GHR: variants seen among roughly 807,000 people sequenced by gnomAD.
GHR encodes the protein growth hormone receptor.
A neutral mutation model predicts 67.1 loss-of-function variants in GHR; 35 were observed. The observed-to-expected ratio is 0.52, with a 90% CI of 0.40 to 0.69. The LOEUF is 0.69. Ranked by LOEUF, GHR falls within the 30% of genes least tolerant of loss-of-function variation. The pLI, the probability that GHR is intolerant of heterozygous loss-of-function variation, is 0.00. For missense variants in GHR, 792 were observed against 764.6 expected (o/e 1.04, Z -0.42); for synonymous variants, 272 against 269.1 (o/e 1.01, Z -0.10).
chr5:42,541,581 C>T (rs1230089041), intron 1 of GHR, among the ~76,000 whole-genome samples: 1 of 151,910 alleles, frequency 6.6e-6, no homozygotes, highest in Non-Finnish European at 1.5e-5. Flanking sequence ...AAAAAAGGGA[C>T]ATGTTCTTAT....
chr5:42,441,221 C>T (rs1160798206), intron 1 of GHR, among the ~76,000 whole-genome samples: 4 of 151,998 alleles, frequency 2.6e-5, no homozygotes, highest in African/African-American at 9.7e-5. Flanking sequence ...GGGGTAGATG[C>T]TAGAGGGGCA....
At chr5:42,584,695 C>T (rs911751827) in intron 2 of GHR, among the ~76,000 whole-genome samples, 3 of 151,992 alleles carry the variant, frequency 2.0e-5, no homozygotes, top group African/African-American at 7.3e-5. Flanking sequence ...TCTAAGATTT[C>T]ATTTGGCTGA....
At chr5:42,467,828 T>C in intron 1 of GHR, 1 of 1,210,988 alleles carries the variant, frequency 8.3e-7, no homozygotes, top group Non-Finnish European at 1.2e-6. Flanking sequence ...AAGCTGGGTT[T>C]TCGGATTGTT....
At chr5:42,479,914 C>T (rs1745538283) in intron 1 of GHR, among the ~76,000 whole-genome samples, 1 of 151,984 alleles carries the variant, frequency 6.6e-6, no homozygotes, top group Non-Finnish European at 1.5e-5. Flanking sequence ...TTAGTTATTT[C>T]TTGCCTTCTG....
chr5:42,673,700 T>A (rs1756430419), intron 3 of GHR, among the ~76,000 whole-genome samples: 3 of 152,178 alleles, frequency 2.0e-5, no homozygotes, highest in Non-Finnish European at 2.9e-5. Flanking sequence ...ATGTTTTTAC[T>A]TATAAGTGGG....
intron 2 of GHR, among the ~76,000 whole-genome samples, chr5:42,584,672 G>A (rs1392550015): frequency 6.6e-6 from 1 of 151,872 alleles, no homozygotes; most frequent in Non-Finnish European, 1.5e-5. Context: ...TTTTCCTTAA[G>A]TATCATAAAC....
chr5:42,451,243 A>G (rs917381607), intron 1 of GHR, among the ~76,000 whole-genome samples: 10 of 152,094 alleles, frequency 6.6e-5, no homozygotes, highest in African/African-American at 2.2e-4. Flanking sequence ...ATCCCACACT[A>G]TTATTATGTT....
intron 4 of GHR, 47 bp from the exon 5 acceptor site, chr5:42,694,867 TACA>T: frequency 7.2e-7 from 1 of 1,387,832 alleles, no homozygotes; most frequent in Non-Finnish European, 1.0e-6. Flanking sequence ...GGACTTAAGC[TACA>T]ACATGATTTT....
chr5:42,571,819 A>G (rs532507160), intron 2 of GHR, among the ~76,000 whole-genome samples: 2 of 152,316 alleles, frequency 1.3e-5, no homozygotes, highest in African/African-American at 4.8e-5. Context: ...AGTATCCTAA[A>G]TTGTGGCTCT....
intron 1 of GHR, chr5:42,467,497 T>A: frequency 9.3e-7 from 1 of 1,080,354 alleles, no homozygotes; most frequent in South Asian, 1.3e-5. Context: ...GAGTTTCTGG[T>A]GCCGAGCAAG....
At chr5:42,546,391 C>G (rs894158149) in intron 1 of GHR, among the ~76,000 whole-genome samples, 1 of 152,124 alleles carries the variant, frequency 6.6e-6, no homozygotes, top group Non-Finnish European at 1.5e-5. Context: ...GTTCAGTGGT[C>G]CAGCCCATCA....
chr5:42,660,182 G>A (rs567300850), intron 3 of GHR, among the ~76,000 whole-genome samples: 1 of 152,340 alleles, frequency 6.6e-6, no homozygotes, highest in East Asian at 1.9e-4. Flanking sequence ...TGGGGGCAGG[G>A]TACAGACAAA....
intron 3 of GHR, among the ~76,000 whole-genome samples, chr5:42,679,142 ATATATTG>A (rs1191934413): frequency 7.1e-6 from 1 of 139,944 alleles, no homozygotes; most frequent in African/African-American, 2.6e-5. Flanking sequence ...TTAATATATT[ATATATTG>A]TATATTATAT....
chr5:42,713,166 A>G (rs1758552826), intron 7 of GHR, among the ~76,000 whole-genome samples: 2 of 152,124 alleles, frequency 1.3e-5, no homozygotes, highest in East Asian at 1.9e-4. Flanking sequence ...TTTTCATAAA[A>G]CACACATTGA....
chr5:42,527,520 A>C (rs1199881360), intron 1 of GHR, among the ~76,000 whole-genome samples: 1 of 152,208 alleles, frequency 6.6e-6, no homozygotes, highest in East Asian at 1.9e-4. Flanking sequence ...AACTACCCTA[A>C]ATGTATATGT....
chr5:42,574,366 T>C (rs1260818639), intron 2 of GHR, among the ~76,000 whole-genome samples: 2 of 152,228 alleles, frequency 1.3e-5, no homozygotes, highest in Non-Finnish European at 2.9e-5. Context: ...CCAACTTTCT[T>C]TGTTAGCTGG....
At chr5:42,645,088 C>T (rs1324772587) in intron 3 of GHR, among the ~76,000 whole-genome samples, 1 of 152,068 alleles carries the variant, frequency 6.6e-6, no homozygotes, top group Non-Finnish European at 1.5e-5. Context: ...GTGAGAAAAC[C>T]AGAAAATATT....
At chr5:42,696,550 C>T (rs559092495) in intron 5 of GHR, among the ~76,000 whole-genome samples, 1 of 152,262 alleles carries the variant, frequency 6.6e-6, no homozygotes, top group African/African-American at 2.4e-5. Context: ...TAAGTTCCAA[C>T]AGTAACTTAG....
At chr5:42,503,210 TA>T (rs1746616656) in intron 1 of GHR, among the ~76,000 whole-genome samples, 1 of 152,182 alleles carries the variant, frequency 6.6e-6, no homozygotes, top group Non-Finnish European at 1.5e-5. Flanking sequence ...ATTGGCATGT[TA>T]TGAAGGTTAT....
Sources: allele counts gnomAD v4.1 joint callset (sites outside exome capture counted in the v4.1 genomes callset), GRCh38; gene constraint gnomAD v4.1.1; transcripts MANE v1.5; gene names NCBI Gene and HGNC (gene_info 2026-07-23, HGNC 2026-07-21).